The following SLC35B1 variants were observed in gnomAD, a reference collection of about 807,000 sequenced individuals.
SLC35B1 encodes solute carrier family 35 member B1.
SLC35B1 carries 27 observed loss-of-function variants against 36.6 expected under a neutral mutation model. The observed-to-expected ratio is 0.74, with a 90% CI of 0.54 to 1.02. SLC35B1 has a LOEUF of 1.02. Among genes scored for constraint, SLC35B1 ranks in the 50% least tolerant of loss-of-function variants. SLC35B1 has a pLI of 0.00. For missense variants in SLC35B1, 321 were observed against 383.2 expected (o/e 0.84, Z 1.35); for synonymous variants, 162 against 152.5 (o/e 1.06, Z -0.46).
chr17:49,705,347 C>T (rs2073402985), intron 4 of SLC35B1, 66 bp from the exon 5 acceptor site: 18 of 1,473,918 alleles, frequency 1.2e-5, no homozygotes, highest in Middle Eastern at 3.5e-4. Flanking sequence ...CAATGCCCTC[C>T]CTCCCAGGAA....
Position 49,702,937 on chromosome 17 carries a change from G to A in SLC35B1, c.837C>T (p.Phe279=). The part of the protein sequence containing the change: ...CSIITTTRKF[F]TILASVILFA... ...AGAGGATCACAGAGGCCAAAATTGT[G>A]AAGAACTTTCGAGTTGTAGTGATGA... The change falls in exon 8 of 9, where the codon TTC becomes TTT. Residue 279 remains phenylalanine, a synonymous_variant. Coordinates refer to ENST00000240333, the MANE Select transcript of SLC35B1 (RefSeq NM_005827.4). The A allele has an allele frequency of 6.2e-7, 1 of 1,614,112 alleles. No individual in the cohort carries two copies. The highest frequency in any genetic ancestry group is 8.5e-7 in the Non-Finnish European group (1 of 1,180,002).
intron 6 of SLC35B1, 125 bp downstream of exon 6, chr17:49,703,972 GAAC>G: frequency 7.8e-7 from 1 of 1,286,434 alleles, no homozygotes; most frequent in South Asian, 1.2e-5. Context: ...TCAAGGGCTT[GAAC>G]AAAAGGGCAT....
chr17:49,705,385 T>A, intron 4 of SLC35B1, 104 bp from the exon 5 acceptor site: 1 of 1,201,396 alleles, frequency 8.3e-7, no homozygotes. Context: ...GAGAAAAGAA[T>A]GACTGAGAAG....
At chr17:49,705,799 G>T in intron 4 of SLC35B1, 67 bp downstream of exon 4, 2 of 1,476,546 alleles carry the variant, frequency 1.4e-6, no homozygotes, top group Non-Finnish European at 1.9e-6. Flanking sequence ...GGACACAGTT[G>T]TAGCAGAGAG....
Position 49,707,935 on chromosome 17 carries a change from G to A in SLC35B1, c.-102C>T. The A allele has an allele frequency of 6.4e-7, 1 of 1,561,072 alleles. No individual in the cohort carries two copies. Among genetic ancestry groups the A allele is most frequent in the East Asian group, 2.4e-5 (1 of 42,226 alleles). On this transcript the variant is annotated 5_prime_UTR_variant, in exon 1 of 9. Transcript: ENST00000240333. The stretch of plus-strand genomic sequence containing the variant: ...AGCCGGACATCGCCGACCGGCGGCA[G>A]GGGCCTCATAGGAGCTGCATGCGAC...
chr17:49,705,615 A>C, intron 4 of SLC35B1: 1 of 598,958 alleles, frequency 1.7e-6, no homozygotes, highest in South Asian at 2.0e-5. Flanking sequence ...ATATAAACAC[A>C]TGCAACACAG....
rs2073351022 is a variant in SLC35B1 at position 49,701,517 on chromosome 17, A to G, written c.917-7T>C. The G allele has an allele frequency of 4.3e-6, 7 of 1,613,386 alleles. No homozygotes were observed. The highest frequency in any genetic ancestry group is 1.3e-5 in the African/African-American group (1 of 75,008). On this transcript the variant is annotated splice_polypyrimidine_tract_variant and splice_region_variant and intron_variant, in intron 8 of 8. Coordinates refer to ENST00000240333, the MANE Select transcript of SLC35B1 (RefSeq NM_005827.4). ...TTGGCATCAAGACCAAGACCTATGA[A>G]AAGGAAGAAAATGGGCTTAGCCTTA...
chr17:49,706,371 G>GAAAA lies in SLC35B1; in HGVS notation c.209-41_209-38dup, dbSNP rs746929106. The GAAAA allele has an allele frequency of 2.3e-5, 10 of 442,742 alleles. No homozygotes were observed. The South Asian group carries it at 2.5e-4, about 11-fold the overall frequency. 27.4% of individuals were successfully genotyped at this position (442,742 alleles called of 1,614,324 possible). ...CAAAAAAAAAAAAAAAAAAAGAAAA[G>GAAAA]AAAAGAAAAAAAAAAAAAAACAAGA... is the stretch of plus-strand genomic sequence containing the variant. On this transcript the variant is annotated intron_variant, in intron 2 of 8. Coordinates refer to ENST00000240333, the MANE Select transcript of SLC35B1 (RefSeq NM_005827.4).
In SLC35B1 at chr17:49,705,227, A is replaced by G; in HGVS notation, c.425T>C (p.Leu142Pro). 1 of 1,614,220 alleles carries G rather than the reference A, an allele frequency of 6.2e-7. No individual in the cohort carries two copies. Among genetic ancestry groups the G allele is most frequent in the South Asian group, 1.1e-5 (1 of 91,086 alleles). ...LKKKYPLAKYLCVLLIVAGVA... is the reference protein window; with the variant it reads ...LKKKYPLAKYPCVLLIVAGVA... ...TCCAGCCACAATTAACAGCACACAC[A>G]GGTACTTGGCCAACGGGTACTTCTT... Residue 142 changes from leucine to proline, a missense_variant, in exon 5 of 9, where the codon CTG becomes CCG. By Grantham distance (98) the Leu-to-Pro change is moderately conservative. Transcript: ENST00000240333.
At chr17:49,707,638 A>G (rs1294919754) in intron 1 of SLC35B1, 92 bp downstream of exon 1, 10 of 1,486,474 alleles carry the variant, frequency 6.7e-6, no homozygotes, top group Non-Finnish European at 7.3e-6. Flanking sequence ...GGGCAGGAGG[A>G]CAAGAGGAAA....
intron 8 of SLC35B1, 75 bp downstream of exon 8, chr17:49,702,783 C>T (rs948606492): frequency 6.1e-6 from 9 of 1,474,154 alleles, no homozygotes; most frequent in African/African-American, 4.3e-5. Context: ...AATATTTAAA[C>T]AAATTTCATA....
intron 7 of SLC35B1, 71 bp downstream of exon 7, chr17:49,703,117 C>T: frequency 6.3e-7 from 1 of 1,588,962 alleles, no homozygotes; most frequent in Non-Finnish European, 8.6e-7. Context: ...CTTCTTCCAG[C>T]CAGGCCAGTC....
chr17:49,708,048 T>C (rs1053684754), upstream of SLC35B1: 4 of 1,087,112 alleles, frequency 3.7e-6, no homozygotes, highest in Admixed American at 2.2e-5. Context: ...AGCAACCACT[T>C]CCTAGGAAAG....
intron 1 of SLC35B1, chr17:49,707,349 C>T (rs1461130726): frequency 7.0e-7 from 1 of 1,430,914 alleles, no homozygotes; most frequent in South Asian, 1.2e-5. Flanking sequence ...GTACCCCAGG[C>T]AGGAGGAGAC....
At chr17:49,706,924 G>C (rs945463619) in intron 2 of SLC35B1, 41 bp downstream of exon 2, 1 of 1,412,100 alleles carries the variant, frequency 7.1e-7, no homozygotes, top group Non-Finnish European at 1.0e-6. Context: ...AGGGAACTTG[G>C]GGTGGTGGGG....
At chr17:49,703,844 TCC>T in intron 6 of SLC35B1, 1 of 450,870 alleles carries the variant, frequency 2.2e-6, no homozygotes, top group Non-Finnish European at 4.1e-6. Flanking sequence ...CCCAGGTACC[TCC>T]CTGTGTTTTA....
At chr17:49,705,803 C>CAG (rs914805292) in intron 4 of SLC35B1, 63 bp downstream of exon 4, 33 of 1,505,442 alleles carry the variant, frequency 2.2e-5, no homozygotes, top group Non-Finnish European at 3.1e-5. Context: ...ACAGTTGTAG[C>CAG]AGAGAGAGAG....
In SLC35B1 at chr17:49,701,379, T is replaced by G; in HGVS notation, c.*79A>C. On this transcript the variant is annotated 3_prime_UTR_variant, in exon 9 of 9. Transcript: ENST00000240333. ...CTGGAACTCAGTCCCATATTCCTAT[T>G]AAGTCCATTTTCCCAAGAGATGTCA... The G allele has an allele frequency of 8.9e-7, 1 of 1,123,720 alleles. No individual in the cohort carries two copies. Among genetic ancestry groups the G allele is most frequent in the Non-Finnish European group, 1.4e-6 (1 of 737,752 alleles). The allele number at this position is 1,123,720 out of a possible 1,614,324, so 69.6% of individuals were successfully genotyped here.
At position 49,701,067 on chromosome 17, in the gene SLC35B1, C is replaced by G. The variant is rs1020697709; in HGVS notation, c.*391G>C. 12 of 170,330 alleles carry G rather than the reference C, an allele frequency of 7.0e-5. No homozygotes were observed. The highest frequency in any genetic ancestry group is 2.9e-4 in the African/African-American group (12 of 42,026). The allele number at this position is 170,330 out of a possible 1,614,324, so 10.6% of individuals were successfully genotyped here. A position where few individuals can be genotyped will look rare whatever the true frequency, so the allele number is the denominator to read the frequency against. ...ATGGGACCAGCTCTAACGGGACAAGCCTCACCCATCGGAACAGAAGCCATT... is the reference window on the plus strand; with the variant it reads ...ATGGGACCAGCTCTAACGGGACAAGGCTCACCCATCGGAACAGAAGCCATT... On this transcript the variant is annotated 3_prime_UTR_variant, in exon 9 of 9. Coordinates refer to ENST00000240333, the MANE Select transcript of SLC35B1 (RefSeq NM_005827.4).
Sources: gnomAD v4.1 joint callset for allele counts on GRCh38, gnomAD v4.1.1 for gene constraint, MANE v1.5 for transcripts, NCBI Gene and HGNC (gene_info 2026-07-23, HGNC 2026-07-21) for gene names.